The following DMD variants were observed in gnomAD, a reference collection of about 807,000 sequenced individuals.
DMD encodes dystrophin.
A neutral mutation model predicts 330.1 loss-of-function variants in DMD; 63 were observed. That is an observed-to-expected ratio of 0.19 (90% confidence interval 0.16 to 0.24). DMD has a LOEUF of 0.24. Among genes scored for constraint, DMD ranks in the 10% least tolerant of loss-of-function variants. The pLI, the probability that DMD is intolerant of heterozygous loss-of-function variation, is 1.00. For missense variants in DMD, 3,344 were observed against 2,684.1 expected (o/e 1.25, Z -5.43); for synonymous variants, 1,223 against 959.8 (o/e 1.27, Z -5.07).
At chrX:32,008,362 C>T (rs2095678826) in intron 44 of DMD, among the ~76,000 whole-genome samples, 1 of 111,808 alleles carries the variant, frequency 8.9e-6, no homozygotes, top group African/African-American at 3.2e-5. Context: ...GATTTTGTGC[C>T]AAATCTTGTT....
intron 44 of DMD, among the ~76,000 whole-genome samples, chrX:32,214,741 G>GAATT (rs2097106336): frequency 9.0e-6 from 1 of 111,644 alleles, no homozygotes; most frequent in South Asian, 3.7e-4. Flanking sequence ...GTTTCCAAGT[G>GAATT]AATTAACTGT....
At chrX:31,338,488 A>G (rs1012455631) in intron 61 of DMD, among the ~76,000 whole-genome samples, 1 of 109,202 alleles carries the variant, frequency 9.2e-6, no homozygotes, top group African/African-American at 3.3e-5. Flanking sequence ...CAAAAAGCCC[A>G]GGCCCCTTAT....
At chrX:31,365,364 T>G (rs1227353386) in intron 60 of DMD, among the ~76,000 whole-genome samples, 1 of 111,898 alleles carries the variant, frequency 8.9e-6, no homozygotes, top group Non-Finnish European at 1.9e-5. Flanking sequence ...TCAGCACTCC[T>G]TTTAAACAGA....
At chrX:31,469,233 C>T (rs1264851521) in intron 59 of DMD, among the ~76,000 whole-genome samples, 1 of 111,268 alleles carries the variant, frequency 9.0e-6, no homozygotes, top group Non-Finnish European at 1.9e-5. Context: ...GGTTACTTTG[C>T]CCGTTAGTTG....
At chrX:31,649,372 A>T (rs2080303992) in intron 54 of DMD, among the ~76,000 whole-genome samples, 1 of 111,500 alleles carries the variant, frequency 9.0e-6, no homozygotes, top group African/African-American at 3.3e-5. Flanking sequence ...CCAGTAAATC[A>T]CCAATGACAT....
intron 48 of DMD, among the ~76,000 whole-genome samples, chrX:31,847,929 T>C (rs1290572069): frequency 1.8e-5 from 2 of 111,932 alleles, no homozygotes; most frequent in Admixed American, 1.9e-4. Flanking sequence ...TGAGAGAGAT[T>C]AGGTCAATTA....
At chrX:31,142,004 A>G (rs1045255759) in intron 76 of DMD, among the ~76,000 whole-genome samples, 1 of 111,897 alleles carries the variant, frequency 8.9e-6, no homozygotes, top group African/African-American at 3.2e-5. Flanking sequence ...ATTGGGGGAC[A>G]TTCTACAAAA....
In DMD at chrX:31,465,750, T is replaced by C. The variant is rs187359782; in HGVS notation, c.8937+12356A>G. On this transcript the variant is annotated intron_variant, in intron 59 of 78. Transcript: ENST00000357033. ...ATGGGATTGCTGGATCAAATGGTAC[T>C]TCTGGTTCTAGATCCTTGAGGAATT... Among the ~76,000 whole-genome samples the C allele has an allele frequency of 2.6e-3, 296 of 111,930 alleles. 3 individuals are homozygous for C. The highest frequency in any genetic ancestry group is 8.5e-3 in the African/African-American group (262 of 30,770).
At chrX:31,765,232 G>A (rs1200163845) in intron 51 of DMD, among the ~76,000 whole-genome samples, 2 of 111,638 alleles carry the variant, frequency 1.8e-5, no homozygotes, top group African/African-American at 6.5e-5. Flanking sequence ...ATATGAAAAA[G>A]GCAGGCACAT....
At chrX:32,329,942 T>A (rs994257184) in intron 41 of DMD, among the ~76,000 whole-genome samples, 2 of 112,358 alleles carry the variant, frequency 1.8e-5, no homozygotes, top group Non-Finnish European at 3.8e-5. Context: ...CTTTCATCCA[T>A]GGATTAGTCA....
intron 41 of DMD, among the ~76,000 whole-genome samples, chrX:32,311,283 A>G (rs1399144249): frequency 2.7e-5 from 3 of 111,070 alleles, no homozygotes; most frequent in Non-Finnish European, 5.7e-5. Context: ...TAAGCATGCT[A>G]ACGTAGCCAT....
rs754532309 is a variant in DMD at position 32,319,545 on chromosome X, TTTC to T, written c.5923-9272_5923-9270del. Among the ~76,000 whole-genome samples the T allele has an allele frequency of 1.3e-4, 15 of 111,992 alleles. 1 individual carries two copies. The South Asian group carries it at 5.4e-3, about 41-fold the overall frequency. ...ATATTCAGAATTCAAACAGGAATATTTTCTTCATTTTATAATGCAATCTTTATT... is the reference window on the plus strand; with the variant it reads ...ATATTCAGAATTCAAACAGGAATATTTTCATTTTATAATGCAATCTTTATT... On this transcript the variant is annotated intron_variant, in intron 41 of 78. Transcript: ENST00000357033.
At chrX:31,124,625 G>T (rs1213624105) in intron 78 of DMD, among the ~76,000 whole-genome samples, 1 of 112,010 alleles carries the variant, frequency 8.9e-6, no homozygotes, top group Non-Finnish European at 1.9e-5. Flanking sequence ...TCTATAGAAA[G>T]TATTGATTTA....
In DMD at chrX:31,640,164, T is replaced by C. The variant is rs2079648497; in HGVS notation, c.8028-12302A>G. ...GTCAGTTCAGAGCCCACGTTCTTGA[T>C]TACATTTGACACAATAATCATCATC... On this transcript the variant is annotated intron_variant, in intron 54 of 78. Coordinates refer to ENST00000357033, the MANE Select transcript of DMD (RefSeq NM_004006.3). 2.7e-5 allele frequency among the ~76,000 whole-genome samples: 3 copies of C among 112,112 alleles called. No homozygotes were observed. The South Asian group carries it at 1.1e-3, about 42-fold the overall frequency.
At chrX:31,442,153 G>A (rs16989633) in intron 60 of DMD, among the ~76,000 whole-genome samples, 6,754 of 111,457 alleles carry the variant, frequency 0.061, 308 homozygotes, top group African/African-American at 0.15. Context: ...ATAAAGAAAG[G>A]AACTTCATTG....
At chrX:32,183,082 C>T (rs2096932946) in intron 44 of DMD, among the ~76,000 whole-genome samples, 1 of 111,787 alleles carries the variant, frequency 8.9e-6, no homozygotes, top group South Asian at 3.7e-4. Context: ...CCCAAAGGTA[C>T]AGCCAGAGTT....
chrX:32,453,039 G>T (rs2098340596), intron 26 of DMD, among the ~76,000 whole-genome samples: 1 of 110,786 alleles, frequency 9.0e-6, no homozygotes, highest in Non-Finnish European at 1.9e-5. Flanking sequence ...CTTCATAAAT[G>T]CTCTATAAGT....
rs777225708 is a variant in DMD, at chrX:31,466,656, G to A, written c.8937+11450C>T. Among the ~76,000 whole-genome samples, 6 of 111,705 alleles carry A rather than the reference G, an allele frequency of 5.4e-5. No individual in the cohort carries two copies. The East Asian group carries it at 1.7e-3, about 31-fold the overall frequency. On this transcript the variant is annotated intron_variant, in intron 59 of 78. Coordinates refer to ENST00000357033, the MANE Select transcript of DMD (RefSeq NM_004006.3). ...ACTTGGCTATGTGGGCTCTTTTTTG[G>A]TTCCATATGAAATTTAAAGTAGTTT...
chrX:32,772,906 C>A (rs1044682278), intron 7 of DMD, among the ~76,000 whole-genome samples: 1 of 111,880 alleles, frequency 8.9e-6, no homozygotes, highest in African/African-American at 3.3e-5. Context: ...GAAACTCGGG[C>A]AAACTCATGT....
Sources: gnomAD v4.1 joint callset for allele counts (sites outside exome capture counted in the v4.1 genomes callset) on GRCh38, gnomAD v4.1.1 for gene constraint, MANE v1.5 for transcripts, NCBI Gene and HGNC (gene_info 2026-07-23, HGNC 2026-07-21) for gene names.